GMDS: variants seen among roughly 807,000 people sequenced by gnomAD.
The protein encoded by GMDS is GDP-mannose 4,6-dehydratase, also known as GDP-mannose 4,6 dehydratase.
GMDS carries 20 observed loss-of-function variants against 49.9 expected under a neutral mutation model. That is an observed-to-expected ratio of 0.40 (90% CI 0.28 to 0.58). The LOEUF is 0.58. Among genes scored for constraint, GMDS ranks in the 20% least tolerant of loss-of-function variants. GMDS has a pLI of 0.42. For synonymous variants in GMDS, 177 were observed against 178.6 expected (o/e 0.99, Z 0.07); for missense variants, 362 against 481.4 (o/e 0.75, Z 2.32).
At chr6:2,221,541 A>ACCACGAC (rs1309099238) in intron 1 of GMDS, among the ~76,000 whole-genome samples, 1 of 152,098 alleles carries the variant, frequency 6.6e-6, no homozygotes, top group African/African-American at 2.4e-5. Context: ...GGCACCCGCC[A>ACCACGAC]CCACGACCGG....
At chr6:2,198,146 C>G (rs955660220) in intron 1 of GMDS, among the ~76,000 whole-genome samples, 27 of 152,304 alleles carry the variant, frequency 1.8e-4, no homozygotes, top group African/African-American at 6.5e-4. Flanking sequence ...GAGCCTGAGA[C>G]CAGGACCAGC....
intron 1 of GMDS, among the ~76,000 whole-genome samples, chr6:2,193,331 T>C (rs1048047950): frequency 4.6e-5 from 7 of 152,234 alleles, no homozygotes; most frequent in African/African-American, 1.7e-4. Context: ...TTATTCCAAA[T>C]TTAACCAAAT....
At chr6:1,702,218 G>C (rs1414873972) in intron 9 of GMDS, among the ~76,000 whole-genome samples, 2 of 152,242 alleles carry the variant, frequency 1.3e-5, no homozygotes, top group African/African-American at 2.4e-5. Context: ...GCTTAACTCA[G>C]GCACTGCTAG....
At chr6:1,720,895 G>A (rs1766362983) in intron 9 of GMDS, among the ~76,000 whole-genome samples, 1 of 152,044 alleles carries the variant, frequency 6.6e-6, no homozygotes, top group Non-Finnish European at 1.5e-5. Flanking sequence ...TTCCTGCTTT[G>A]GGAGGGGAAG....
chr6:1,952,584 C>T lies in GMDS; in HGVS notation c.643+7283G>A, dbSNP rs140145053. 3.0e-3 allele frequency among the ~76,000 whole-genome samples: 449 copies of T among 152,080 alleles called. 2 individuals are homozygous for T. Among genetic ancestry groups the T allele is most frequent in the African/African-American group, 0.01 (417 of 41,494 alleles). ...TTTCTGGAAGTATTTACTAGGATCT[C>T]ATGAAATTCTGAACAGACAGTTTAG... is the stretch of plus-strand genomic sequence containing the variant. On this transcript the variant is annotated intron_variant, in intron 6 of 10. Transcript: ENST00000380815.
At chr6:1,667,191 CCAAT>C (rs1052021164) in intron 9 of GMDS, among the ~76,000 whole-genome samples, 5 of 152,188 alleles carry the variant, frequency 3.3e-5, no homozygotes, top group Admixed American at 3.3e-4. Flanking sequence ...CGGCCTCAGA[CCAAT>C]CAAAGTCTAC....
chr6:1,907,243 C>T (rs1166145741), intron 7 of GMDS, among the ~76,000 whole-genome samples: 1 of 152,144 alleles, frequency 6.6e-6, no homozygotes, highest in Admixed American at 6.5e-5. Flanking sequence ...GACTCTGATA[C>T]TCTAAAGCTC....
chr6:1,941,132 G>T (rs893882902), intron 6 of GMDS, among the ~76,000 whole-genome samples: 4 of 152,064 alleles, frequency 2.6e-5, no homozygotes, highest in African/African-American at 9.7e-5. Flanking sequence ...AAAACTATCG[G>T]GGAACTAATA....
intron 9 of GMDS, among the ~76,000 whole-genome samples, chr6:1,721,705 C>G (rs573984359): frequency 2.6e-5 from 4 of 151,824 alleles, no homozygotes; most frequent in Non-Finnish European, 5.9e-5. Context: ...AAATTTGGCA[C>G]GTTAGGATGA....
At chr6:1,624,708 G>A (rs527379970) in intron 9 of GMDS, 168 bp from the exon 10 acceptor site, 21 of 608,318 alleles carry the variant, frequency 3.5e-5, no homozygotes, top group African/African-American at 2.4e-4. Context: ...TCTCGGCGCC[G>A]TAAATCACTA....
Position 1,661,732 on chromosome 6 carries a change from G to A in GMDS, c.988-37192C>T, listed in dbSNP as rs79827342. ...AGTTAGTAAGAGTCTGACAGAGAGC[G>A]AGTGAGCAAGAGCAAGCTCTAGCAA... On this transcript the variant is annotated intron_variant, in intron 9 of 10. Transcript: ENST00000380815. 3.5e-3 allele frequency among the ~76,000 whole-genome samples: 534 copies of A among 152,338 alleles called. 4 individuals carry two copies. The highest frequency in any genetic ancestry group is 5.6e-3 in the Non-Finnish European group (379 of 68,036).
chr6:1,978,090 C>T (rs6932363), intron 4 of GMDS, among the ~76,000 whole-genome samples: 59,805 of 152,026 alleles, frequency 0.39, 11,876 homozygotes, highest in Middle Eastern at 0.45. Flanking sequence ...ACGGAGCCCA[C>T]GGAGAGAGGG....
intron 1 of GMDS, among the ~76,000 whole-genome samples, chr6:2,222,627 T>C (rs1780644383): frequency 1.3e-5 from 2 of 152,282 alleles, no homozygotes; most frequent in Non-Finnish European, 2.9e-5. Flanking sequence ...AAGGAAATGC[T>C]GTACTAAGAA....
At chr6:1,877,644 TAAAAAAAAAA>T (rs60037634) in intron 7 of GMDS, among the ~76,000 whole-genome samples, 2 of 90,516 alleles carry the variant, frequency 2.2e-5, no homozygotes, top group African/African-American at 8.4e-5. Flanking sequence ...TCTCAAAAAT[TAAAAAAAAAA>T]AAAAAAAAAA....
chr6:1,674,692 A>G (rs1173120873), intron 9 of GMDS, among the ~76,000 whole-genome samples: 1 of 144,618 alleles, frequency 6.9e-6, no homozygotes, highest in Non-Finnish European at 1.5e-5. Flanking sequence ...TCAGTCTCCC[A>G]GGTAGCTGGG....
chr6:2,115,386 G>A (rs973646853), intron 4 of GMDS, among the ~76,000 whole-genome samples: 8 of 152,100 alleles, frequency 5.3e-5, no homozygotes, highest in East Asian at 1.9e-4. Flanking sequence ...TAATTTAGCC[G>A]CTACCAAAAA....
intron 9 of GMDS, among the ~76,000 whole-genome samples, chr6:1,718,933 C>T (rs995006507): frequency 9.9e-5 from 15 of 152,152 alleles, no homozygotes; most frequent in African/African-American, 1.9e-4. Context: ...TTAGTACCTA[C>T]ACACAGTCAC....
chr6:1,646,795 T>TGAAGG (rs1378114736), intron 9 of GMDS, among the ~76,000 whole-genome samples: 1 of 152,202 alleles, frequency 6.6e-6, no homozygotes, highest in Non-Finnish European at 1.5e-5. Flanking sequence ...AGGCATAGGC[T>TGAAGG]GAAGACTCCC....
At chr6:1,657,853 C>CAAAAAAAAAAAAAAAAAAAA (rs757277370) in intron 9 of GMDS, among the ~76,000 whole-genome samples, 2 of 63,360 alleles carry the variant, frequency 3.2e-5, no homozygotes, top group Non-Finnish European at 3.0e-5. Context: ...AGAACTCAAG[C>CAAAAAAAAAAAAAAAAAAAA]AAAAAAAAAA....
Sources: gnomAD v4.1 joint callset for allele counts (sites outside exome capture counted in the v4.1 genomes callset) on GRCh38, gnomAD v4.1.1 for gene constraint, MANE v1.5 for transcripts, NCBI Gene and HGNC (gene_info 2026-07-23, HGNC 2026-07-21) for gene names.